The following SYNJ2 variants were observed in gnomAD, a reference collection of about 807,000 sequenced individuals.
SYNJ2 encodes the protein synaptojanin 2.
SYNJ2 carries 116 observed loss-of-function variants against 141.3 expected under a neutral mutation model. The observed-to-expected ratio is 0.82, with a 90% CI of 0.71 to 0.96. The LOEUF is 0.96. SYNJ2 is among the 40% of genes least tolerant of loss of function. SYNJ2 has a pLI of 0.00. For missense variants in SYNJ2, 1,873 were observed against 1,934.8 expected (o/e 0.97, Z 0.60); for synonymous variants, 745 against 777.7 (o/e 0.96, Z 0.70).
chr6:158,065,249 G>C (rs1341627760), intron 11 of SYNJ2, among the ~76,000 whole-genome samples: 1 of 152,208 alleles, frequency 6.6e-6, no homozygotes, highest in Non-Finnish European at 1.5e-5. Flanking sequence ...CGGGCTCAGG[G>C]AGAGGCCGTG....
At position 158,081,257 on chromosome 6, in the gene SYNJ2, G is replaced by A. The variant is rs1246348597; in HGVS notation, c.2716G>A (p.Glu906Lys). 1.1e-5 allele frequency: 18 copies of A among 1,614,006 alleles called. No individual in the cohort carries two copies. The highest frequency in any genetic ancestry group is 1.4e-5 in the Non-Finnish European group (16 of 1,180,042). The stretch of plus-strand genomic sequence containing the variant: ...ATCACCGACCTTAGAAGAGAAAAAC[G>A]AGTTTCCAGAGGACCTGCGTACTGA... ...LQSPTLEEKN[E>K]FPEDLRTELM... Residue 906 changes from glutamate (E) to lysine (K), a missense_variant, in exon 19 of 27, where the codon GAG becomes AAG. Coordinates refer to ENST00000355585, the MANE Select transcript of SYNJ2 (RefSeq NM_003898.4).
intron 1 of SYNJ2, among the ~76,000 whole-genome samples, chr6:157,986,038 G>A (rs905519592): frequency 1.3e-5 from 2 of 152,200 alleles, no homozygotes. Context: ...CTGTTGCCTA[G>A]ATCACTTTCT....
chr6:158,000,476 G>T (rs189294780), intron 1 of SYNJ2, among the ~76,000 whole-genome samples: 145 of 152,226 alleles, frequency 9.5e-4, no homozygotes, highest in Middle Eastern at 3.4e-3. Context: ...CCGTCTCATA[G>T]CCCCTCTAAC....
chr6:158,005,830 G>T (rs188387291), intron 1 of SYNJ2, among the ~76,000 whole-genome samples: 37 of 152,116 alleles, frequency 2.4e-4, no homozygotes, highest in East Asian at 1.5e-3. Flanking sequence ...TGAAGCCACT[G>T]GAAGAGAATT....
At chr6:158,028,700 T>C (rs1779191035) in intron 2 of SYNJ2, 56 bp from the exon 3 acceptor site, 1 of 1,585,368 alleles carries the variant, frequency 6.3e-7, no homozygotes, top group South Asian at 1.2e-5. Flanking sequence ...CCCTTGGAGC[T>C]CCAGGCGGCC....
chr6:158,029,965 G>A (rs892907310), intron 3 of SYNJ2, among the ~76,000 whole-genome samples: 4 of 152,258 alleles, frequency 2.6e-5, no homozygotes, highest in African/African-American at 4.8e-5. Flanking sequence ...CAGGTCCCAA[G>A]CTGGTAATCA....
intron 15 of SYNJ2, among the ~76,000 whole-genome samples, chr6:158,073,068 TAAAA>T (rs59003520): frequency 1.8e-4 from 24 of 134,354 alleles, no homozygotes; most frequent in African/African-American, 1.9e-4. Flanking sequence ...AGACTCTGTC[TAAAA>T]AAAAAAAAAA....
At chr6:158,029,077 G>GGTGGGCCCTGGGTCTCCTGCAGAGT in intron 3 of SYNJ2, 51 bp downstream of exon 3, 2 of 1,592,014 alleles carry the variant, frequency 1.3e-6, no homozygotes, top group Admixed American at 1.7e-5. Context: ...TCCTGCAGAG[G>GGTGGGCCCTGGGTCTCCTGCAGAGT]GTGGGCCCTG....
chr6:158,073,494 G>A (rs1324537168), intron 15 of SYNJ2, among the ~76,000 whole-genome samples: 1 of 152,182 alleles, frequency 6.6e-6, no homozygotes, highest in African/African-American at 2.4e-5. Context: ...CATGGTGCCT[G>A]GCCAACATTC....
chr6:158,042,564 G>A (rs560775806), intron 4 of SYNJ2, among the ~76,000 whole-genome samples: 31 of 152,384 alleles, frequency 2.0e-4, no homozygotes, highest in Non-Finnish European at 2.8e-4. Flanking sequence ...GCTCAGGATC[G>A]TACTTCTTGT....
At chr6:158,083,010 G>A (rs988570938) in intron 20 of SYNJ2, among the ~76,000 whole-genome samples, 9 of 151,882 alleles carry the variant, frequency 5.9e-5, no homozygotes, top group Admixed American at 6.6e-5. Flanking sequence ...TCGGCTCACC[G>A]CAGCTTCCGC....
intron 1 of SYNJ2, among the ~76,000 whole-genome samples, chr6:157,988,966 C>T (rs894805006): frequency 1.3e-5 from 2 of 152,096 alleles, no homozygotes; most frequent in East Asian, 3.9e-4. Context: ...TTCGAGATCT[C>T]ACGGGCAGGA....
intron 4 of SYNJ2, among the ~76,000 whole-genome samples, chr6:158,034,078 A>T (rs898916058): frequency 6.6e-6 from 1 of 152,164 alleles, no homozygotes; most frequent in Non-Finnish European, 1.5e-5. Context: ...AGAAGAAACC[A>T]TTATTTTTTA....
intron 12 of SYNJ2, chr6:158,067,764 G>A (rs1781654224): frequency 1.0e-6 from 1 of 985,146 alleles, no homozygotes; most frequent in Admixed American, 6.1e-5. Context: ...CCAAGGGCAG[G>A]TGGCAGAGTC....
intron 4 of SYNJ2, among the ~76,000 whole-genome samples, chr6:158,038,981 T>TG (rs1320503203): frequency 6.6e-6 from 1 of 151,994 alleles, no homozygotes; most frequent in Non-Finnish European, 1.5e-5. Flanking sequence ...ATGGGCCTGG[T>TG]GGGGGGTCAG....
rs1481833523 is a variant in SYNJ2, at chr6:158,027,543, A to C, written c.215-1213A>C. ...GTGGTGCCCCAGAGAGGGCTGCCTC[A>C]TTCGCCTGGCTGCAGGGTCCGAGGT... On this transcript the variant is annotated intron_variant, in intron 2 of 26. Transcript: ENST00000355585. The surrounding 1 kb of genome is among the most constrained non-coding windows in gnomAD (Gnocchi z 4.6). 1 of 152,284 alleles carries C rather than the reference A, an allele frequency of 6.6e-6. No individual in the cohort carries two copies. The highest frequency in any genetic ancestry group is 1.5e-5 in the Non-Finnish European group (1 of 68,092). The allele number at this position is 152,284 out of a possible 1,614,324, so 9.4% of individuals were successfully genotyped here.
intron 1 of SYNJ2, among the ~76,000 whole-genome samples, chr6:157,985,479 G>A (rs1777165658): frequency 6.6e-6 from 1 of 152,256 alleles, no homozygotes; most frequent in Admixed American, 6.5e-5. Flanking sequence ...GAACCTGACT[G>A]GAGGGTAGTT....
At chr6:158,093,205 G>T in intron 26 of SYNJ2, 101 bp downstream of exon 26, 1 of 1,319,742 alleles carries the variant, frequency 7.6e-7, no homozygotes, top group Non-Finnish European at 1.0e-6. Flanking sequence ...GGAAGCCGAG[G>T]CAAGCGGATT....
At chr6:157,997,036 C>A (rs59755802) in intron 1 of SYNJ2, among the ~76,000 whole-genome samples, 14 of 145,920 alleles carry the variant, frequency 9.6e-5, no homozygotes, top group African/African-American at 2.6e-4. Context: ...CACCCCCCCC[C>A]ACCCAGCTTC....
Sources: gnomAD v4.1 joint callset for allele counts (sites outside exome capture counted in the v4.1 genomes callset) on GRCh38, gnomAD v4.1.1 for gene constraint, Gnocchi (gnomAD v3.1) non-coding constraint, MANE v1.5 for transcripts, NCBI Gene and HGNC (gene_info 2026-07-23, HGNC 2026-07-21) for gene names.